KLHL32: variants seen among roughly 807,000 people sequenced by gnomAD.
KLHL32 encodes kelch like family member 32, also known as kelch-like protein 32.
KLHL32 carries 35 observed loss-of-function variants against 64.8 expected under a neutral mutation model. The ratio of observed to expected loss-of-function variants is 0.54; its 90% CI spans 0.41 to 0.72. The LOEUF is 0.72. Among genes scored for constraint, KLHL32 ranks in the 30% least tolerant of loss-of-function variants. The pLI is 0.00. For synonymous variants in KLHL32, 259 were observed against 281.0 expected, an observed-to-expected ratio of 0.92 and a Z score of 0.78; for missense variants, 589 against 768.5, an observed-to-expected ratio of 0.77 and a Z score of 2.76.
rs937266407 is a variant in KLHL32 at position 97,139,751 on chromosome 6, C to A, written c.*469C>A. On this transcript the variant is annotated 3_prime_UTR_variant, in exon 11 of 11. Transcript: ENST00000369261. ...TGCAGCCCTGCTCAGTAGAGACTCA[C>A]TCAGCATTATGACATCATAAATTTT... 1.2e-4 allele frequency: 19 copies of A among 152,468 alleles called. No homozygotes were observed. Among genetic ancestry groups the A allele is most frequent in the African/African-American group, 4.6e-4 (19 of 41,584 alleles). 9.4% of individuals were successfully genotyped at this position (152,468 alleles called of 1,614,324 possible).
At chr6:96,918,038 T>A in the KLHL32 span, among the ~76,000 whole-genome samples, 2 of 152,162 alleles carry the variant, frequency 1.3e-5, no homozygotes, top group African/African-American at 4.8e-5. Flanking sequence ...CAGTAATGAC[T>A]TCAGACATTA....
intron 1 of KLHL32, among the ~76,000 whole-genome samples, chr6:96,956,421 T>A (rs184786183): frequency 6.6e-6 from 1 of 152,374 alleles, no homozygotes; most frequent in East Asian, 1.9e-4. Context: ...CCACTCTTCT[T>A]ACCTGTATAC....
chr6:97,080,689 T>C (rs1368793007), intron 5 of KLHL32, among the ~76,000 whole-genome samples: 1 of 152,220 alleles, frequency 6.6e-6, no homozygotes, highest in Non-Finnish European at 1.5e-5. Context: ...GGCATTGTTC[T>C]AGGCTCTGGG....
intron 3 of KLHL32, among the ~76,000 whole-genome samples, chr6:97,015,069 G>A (rs1358007917): frequency 3.9e-5 from 6 of 152,082 alleles, no homozygotes; most frequent in African/African-American, 1.4e-4. Context: ...TCTCTCCCCT[G>A]CTGCCTTCTG....
At chr6:97,004,023 A>G (rs563156301) in intron 3 of KLHL32, among the ~76,000 whole-genome samples, 1 of 152,258 alleles carries the variant, frequency 6.6e-6, no homozygotes, top group Non-Finnish European at 1.5e-5. Flanking sequence ...GAAGAATGCT[A>G]TTGGTTGTTT....
intron 7 of KLHL32, among the ~76,000 whole-genome samples, chr6:97,125,544 G>A (rs1227283891): frequency 6.6e-6 from 1 of 152,166 alleles, no homozygotes; most frequent in Non-Finnish European, 1.5e-5. Context: ...TAAGCACTGG[G>A]GTGATTTAGT....
At chr6:97,104,358 G>A (rs772955029) in intron 6 of KLHL32, among the ~76,000 whole-genome samples, 7 of 152,098 alleles carry the variant, frequency 4.6e-5, no homozygotes, top group Non-Finnish European at 7.4e-5. Flanking sequence ...AGGGCTTTTC[G>A]CTTTTGGAAC....
chr6:97,071,096 C>T (rs1790643132), intron 5 of KLHL32, among the ~76,000 whole-genome samples: 1 of 151,880 alleles, frequency 6.6e-6, no homozygotes, highest in Admixed American at 6.6e-5. Flanking sequence ...AGGCAGGAGA[C>T]ACTCTTCTTC....
chr6:97,138,551 A>G (rs760184197), intron 10 of KLHL32, among the ~76,000 whole-genome samples: 3 of 151,978 alleles, frequency 2.0e-5, no homozygotes, highest in Non-Finnish European at 4.4e-5. Flanking sequence ...AAAAACAAAA[A>G]CAACAAAAAA....
At chr6:97,019,529 A>C (rs1428052565) in intron 3 of KLHL32, among the ~76,000 whole-genome samples, 1 of 152,236 alleles carries the variant, frequency 6.6e-6, no homozygotes, top group Non-Finnish European at 1.5e-5. Flanking sequence ...AAGCACTCAC[A>C]GTAGCTGAGT....
chr6:96,963,798 G>A (rs1294715733), intron 1 of KLHL32, among the ~76,000 whole-genome samples: 1 of 152,136 alleles, frequency 6.6e-6, no homozygotes, highest in African/African-American at 2.4e-5. Context: ...TTATTCAGTG[G>A]TTGACCACAA....
intron 5 of KLHL32, among the ~76,000 whole-genome samples, chr6:97,070,446 T>A (rs879763837): frequency 3.3e-5 from 5 of 152,012 alleles, no homozygotes; most frequent in Non-Finnish European, 7.4e-5. Flanking sequence ...CATTTTAGGG[T>A]CCCAATTAAT....
chr6:96,927,958 C>G (rs980253091), intron 1 of KLHL32, among the ~76,000 whole-genome samples: 2 of 152,220 alleles, frequency 1.3e-5, no homozygotes, highest in African/African-American at 2.4e-5. Context: ...TTCCATTTTA[C>G]AGATGGAGGA....
At chr6:97,072,836 A>T (rs895885893) in intron 5 of KLHL32, among the ~76,000 whole-genome samples, 1 of 152,090 alleles carries the variant, frequency 6.6e-6, no homozygotes, top group Non-Finnish European at 1.5e-5. Context: ...CTGGGAGGCC[A>T]TATTGTTTGT....
chr6:97,061,374 A>G (rs1582889891), intron 4 of KLHL32, among the ~76,000 whole-genome samples: 1 of 106,790 alleles, frequency 9.4e-6, no homozygotes, highest in Non-Finnish European at 1.7e-5. Flanking sequence ...TGGATTCTGG[A>G]CCACTTGGCT....
chr6:96,905,991 C>A, the KLHL32 span, among the ~76,000 whole-genome samples: 1 of 152,202 alleles, frequency 6.6e-6, no homozygotes, highest in Non-Finnish European at 1.5e-5. Flanking sequence ...CTTGCAGGCA[C>A]AGCTCTGCCT....
chr6:96,932,849 A>G (rs905054028), intron 1 of KLHL32, among the ~76,000 whole-genome samples: 11 of 151,954 alleles, frequency 7.2e-5, no homozygotes, highest in Non-Finnish European at 1.3e-4. Flanking sequence ...GGAATTAGAG[A>G]TCTGAGCCAC....
chr6:96,954,592 G>A (rs1440445597), intron 1 of KLHL32, among the ~76,000 whole-genome samples: 3 of 152,106 alleles, frequency 2.0e-5, no homozygotes, highest in Non-Finnish European at 4.4e-5. Flanking sequence ...CTAGCTGCTG[G>A]CATTCTGGAA....
Position 96,973,853 on chromosome 6 carries a change from G to A in KLHL32, c.24-2144G>A, listed in dbSNP as rs573795967. ...TTCTCCTGCCTCAGCCTCCTGAGTC[G>A]CTGGGATTAAGGTGCGCGCCACCAT... On this transcript the variant is annotated intron_variant, in intron 2 of 10. Transcript: ENST00000369261. Among the ~76,000 whole-genome samples, 11 of 151,440 alleles carry A rather than the reference G, an allele frequency of 7.3e-5. No individual in the cohort carries two copies. The East Asian group carries it at 9.7e-4, about 13-fold the overall frequency.
Sources: gnomAD v4.1 joint callset for allele counts (sites outside exome capture counted in the v4.1 genomes callset) on GRCh38, gnomAD v4.1.1 for gene constraint, MANE v1.5 for transcripts, NCBI Gene and HGNC (gene_info 2026-07-23, HGNC 2026-07-21) for gene names.